The following OPCML variants were observed in gnomAD, a reference collection of about 807,000 sequenced individuals.
OPCML encodes the protein opioid binding protein/cell adhesion molecule like, also known as opioid-binding protein/cell adhesion molecule.
Under a neutral mutation model 37.8 loss-of-function variants are expected in OPCML, and 13 were observed. The observed-to-expected ratio is 0.34, with a 90% CI of 0.22 to 0.55. The LOEUF (loss-of-function observed/expected upper bound fraction) is 0.55, where lower values mean the gene tolerates loss of function less well. Among genes scored for constraint, OPCML ranks in the 20% least tolerant of loss-of-function variants. The pLI is 0.91. For missense variants in OPCML, 341 were observed against 435.6 expected (o/e 0.78, Z 1.93); for synonymous variants, 176 against 168.8 (o/e 1.04, Z -0.33).
At chr11:133,154,610 G>T (rs1950031020) in intron 1 of OPCML, among the ~76,000 whole-genome samples, 1 of 152,052 alleles carries the variant, frequency 6.6e-6, no homozygotes, top group African/African-American at 2.4e-5. Flanking sequence ...TTAACAAGCT[G>T]CCTGAAAATT....
chr11:132,452,140 G>A (rs1592195948), intron 4 of OPCML, among the ~76,000 whole-genome samples: 2 of 152,120 alleles, frequency 1.3e-5, no homozygotes, highest in East Asian at 3.9e-4. Flanking sequence ...AATGTGGCAG[G>A]CCCTGCAAAT....
At chr11:133,253,290 A>G (rs776029566) in intron 1 of OPCML, among the ~76,000 whole-genome samples, 3 of 152,116 alleles carry the variant, frequency 2.0e-5, no homozygotes, top group African/African-American at 2.4e-5. Flanking sequence ...TGAGTTTCAC[A>G]TAGTCAGTGC....
rs1200728125 is a variant in OPCML, at chr11:132,465,335, G to T, written c.506-27976C>A. Among the ~76,000 whole-genome samples the T allele has an allele frequency of 6.6e-5, 10 of 152,154 alleles. 1 individual carries two copies. Among genetic ancestry groups the T allele is most frequent in the Non-Finnish European group, 1.5e-4 (10 of 68,032 alleles). ...ACTCTCCGCTAGGGTACCTGAGAATGACCCTTTCCTTATTCACAACAAAGC... is the reference window on the plus strand; with the variant it reads ...ACTCTCCGCTAGGGTACCTGAGAATTACCCTTTCCTTATTCACAACAAAGC... On this transcript the variant is annotated intron_variant, in intron 4 of 7. Coordinates refer to ENST00000524381, the MANE Select transcript of OPCML (RefSeq NM_001012393.5).
At chr11:133,140,882 ACGAC>A in intron 1 of OPCML, among the ~76,000 whole-genome samples, 1 of 18,586 alleles carries the variant, frequency 5.4e-5, no homozygotes, top group African/African-American at 7.3e-5. Context: ...GAAGAAGACG[ACGAC>A]GACGACGAAG....
chr11:133,059,755 T>G (rs368846237), intron 1 of OPCML, among the ~76,000 whole-genome samples: 1 of 152,210 alleles, frequency 6.6e-6, no homozygotes, highest in African/African-American at 2.4e-5. Flanking sequence ...ACTGTTTTCA[T>G]GGAGCACAAT....
At chr11:132,807,056 T>A (rs1037053779) in intron 2 of OPCML, among the ~76,000 whole-genome samples, 1 of 152,158 alleles carries the variant, frequency 6.6e-6, no homozygotes, top group African/African-American at 2.4e-5. Flanking sequence ...AGTTTTGAAA[T>A]GCCTGTATTA....
intron 1 of OPCML, among the ~76,000 whole-genome samples, chr11:133,411,776 T>G (rs1473018805): frequency 6.6e-6 from 1 of 152,222 alleles, no homozygotes; most frequent in African/African-American, 2.4e-5. Context: ...GGTTTTTCTA[T>G]GCAGCTAAGC....
chr11:132,634,631 A>T (rs1940367019), intron 3 of OPCML, among the ~76,000 whole-genome samples: 1 of 152,148 alleles, frequency 6.6e-6, no homozygotes, highest in Non-Finnish European at 1.5e-5. Flanking sequence ...GTGTCCTCGC[A>T]GGAAGAGATG....
chr11:132,943,998 C>T lies in OPCML; in HGVS notation c.62-988G>A, dbSNP rs897075277. Reference sequence around the variant, plus strand: ...TCTCCCGGTGCCGCCTCGGAGCGAGCGGGCTGGCGGGCGGCGCGGACTGCG... The same window carrying T: ...TCTCCCGGTGCCGCCTCGGAGCGAGTGGGCTGGCGGGCGGCGCGGACTGCG... On this transcript the variant is annotated intron_variant, in intron 1 of 7. Coordinates refer to ENST00000524381, the MANE Select transcript of OPCML (RefSeq NM_001012393.5). The surrounding 1 kb of genome is among the most constrained non-coding windows in gnomAD (Gnocchi z 4.3). Among the ~76,000 whole-genome samples, 2 of 151,920 alleles carry T rather than the reference C, an allele frequency of 1.3e-5. No individual in the cohort carries two copies. The highest frequency in any genetic ancestry group is 4.8e-5 in the African/African-American group (2 of 41,546).
At chr11:133,033,224 A>G (rs1333771840) in intron 1 of OPCML, among the ~76,000 whole-genome samples, 1 of 152,216 alleles carries the variant, frequency 6.6e-6, no homozygotes, top group East Asian at 1.9e-4. Context: ...CACACAAGGC[A>G]TTCTATTCAT....
intron 2 of OPCML, among the ~76,000 whole-genome samples, chr11:132,768,230 C>T (rs576698502): frequency 2.0e-5 from 3 of 152,284 alleles, no homozygotes; most frequent in Non-Finnish European, 2.9e-5. Context: ...TTAGACTATT[C>T]CCAGTTCCCT....
At position 133,212,587 on chromosome 11, in the gene OPCML, T is replaced by C. The variant is rs4936185; in HGVS notation, c.62-269577A>G. Among the ~76,000 whole-genome samples, 106,816 of 152,102 alleles carry C rather than the reference T, an allele frequency of 0.7. 37,626 individuals carry two copies. Among genetic ancestry groups the C allele is most frequent in the Middle Eastern group, 0.74 (216 of 292 alleles). On this transcript the variant is annotated intron_variant, in intron 1 of 7. Coordinates refer to ENST00000524381, the MANE Select transcript of OPCML (RefSeq NM_001012393.5). The surrounding 1 kb of genome is among the most constrained non-coding windows in gnomAD (Gnocchi z 4.9). ...CACTCTTGATCTCCCTTACTCTCTT[T>C]TACTTTCTCACTTGTCCAAAGCCCT...
chr11:132,485,132 G>A (rs1202393462), intron 4 of OPCML, among the ~76,000 whole-genome samples: 5 of 151,810 alleles, frequency 3.3e-5, no homozygotes, highest in Non-Finnish European at 7.4e-5. Context: ...CACTGTTCGG[G>A]AGAGCTGTCC....
chr11:133,502,370 C>G (rs912195515), intron 1 of OPCML, among the ~76,000 whole-genome samples: 3 of 152,172 alleles, frequency 2.0e-5, no homozygotes, highest in Non-Finnish European at 4.4e-5. Flanking sequence ...GGCAGGGTGA[C>G]GCAGTCCATG....
At chr11:132,734,564 T>C (rs1409626775) in intron 2 of OPCML, among the ~76,000 whole-genome samples, 1 of 152,188 alleles carries the variant, frequency 6.6e-6, no homozygotes, top group Non-Finnish European at 1.5e-5. Flanking sequence ...GATGCAGACA[T>C]CATGACAGCA....
chr11:133,090,615 C>T (rs1948891618), intron 1 of OPCML, among the ~76,000 whole-genome samples: 1 of 152,122 alleles, frequency 6.6e-6, no homozygotes, highest in Admixed American at 6.5e-5. Context: ...TCCTAGTGCT[C>T]TGTGGAAAGC....
At chr11:132,441,379 G>A (rs1381396037) in intron 4 of OPCML, among the ~76,000 whole-genome samples, 7 of 151,008 alleles carry the variant, frequency 4.6e-5, no homozygotes, top group Non-Finnish European at 7.4e-5. Flanking sequence ...CGTTTTAGCC[G>A]GGATGGTCTC....
At chr11:133,276,381 A>C (rs1365511844) in intron 1 of OPCML, among the ~76,000 whole-genome samples, 1 of 152,186 alleles carries the variant, frequency 6.6e-6, no homozygotes, top group African/African-American at 2.4e-5. Context: ...GAGGTTCTTC[A>C]GACTTCACTC....
At chr11:133,023,091 A>G (rs923125558) in intron 1 of OPCML, among the ~76,000 whole-genome samples, 5 of 152,222 alleles carry the variant, frequency 3.3e-5, no homozygotes, top group African/African-American at 9.6e-5. Context: ...GCTCTTTAAC[A>G]TAAACCTGCT....
Sources: gnomAD v4.1 joint callset for allele counts (sites outside exome capture counted in the v4.1 genomes callset) on GRCh38, gnomAD v4.1.1 for gene constraint, Gnocchi (gnomAD v3.1) non-coding constraint, MANE v1.5 for transcripts, NCBI Gene and HGNC (gene_info 2026-07-23, HGNC 2026-07-21) for gene names.